ZNF280D: variants seen among roughly 807,000 people sequenced by gnomAD.
ZNF280D encodes the protein zinc finger protein 280D.
A neutral mutation model predicts 94.7 loss-of-function variants in ZNF280D; 39 were observed. The ratio of observed to expected loss-of-function variants is 0.41; its 90% CI spans 0.32 to 0.54. ZNF280D has a LOEUF of 0.54. Among genes scored for constraint, ZNF280D ranks in the 20% least tolerant of loss-of-function variants. The pLI, the probability that ZNF280D is intolerant of heterozygous loss-of-function variation, is 0.22. For synonymous variants in ZNF280D, 398 were observed against 377.6 expected, an observed-to-expected ratio of 1.05 and a Z score of -0.63; for missense variants, 1,090 against 1,149.3, an observed-to-expected ratio of 0.95 and a Z score of 0.75.
chr15:56,700,539 A>G, intron 6 of ZNF280D: 1 of 1,058,318 alleles, frequency 9.4e-7, no homozygotes. Context: ...TAACTGAACT[A>G]TGAAGGAATG....
At chr15:56,706,798 A>G (rs1441492522) in intron 3 of ZNF280D, among the ~76,000 whole-genome samples, 1 of 152,160 alleles carries the variant, frequency 6.6e-6, no homozygotes, top group East Asian at 1.9e-4. Flanking sequence ...ATAGCTTTAT[A>G]ATTTTTTTAG....
chr15:56,723,095 G>A (rs1157269739), intron 1 of ZNF280D, among the ~76,000 whole-genome samples: 1 of 126,882 alleles, frequency 7.9e-6, no homozygotes, highest in Non-Finnish European at 1.6e-5. Context: ...GGGGGAGGGG[G>A]GAGGGATAGC....
chr15:56,666,408 T>A lies in ZNF280D; in HGVS notation c.1981A>T (p.Asn661Tyr). 6.2e-7 allele frequency: 1 copy of A among 1,609,048 alleles called. No homozygotes were observed. ...AATTCATCTTACCTCATCATATGAT[T>A]TACATAGGCTTTGCTACAGCTAGTG... is the stretch of plus-strand genomic sequence containing the variant. ...YNTSCSKAYV[N>Y]HMMSFHSNRP... The change falls in exon 16 of 22, where the codon AAT (asparagine) becomes TAT (tyrosine). Residue 661 changes from asparagine to tyrosine, a missense_variant. Asn to Tyr is a moderately radical substitution (Grantham distance 143). Around this residue, in one of 3 missense-constraint regions of ZNF280D, gnomAD observed 577 missense variants for 568.8 expected, o/e 1.01. Transcript: ENST00000267807.
intron 13 of ZNF280D, among the ~76,000 whole-genome samples, chr15:56,676,339 C>T (rs2055231543): frequency 6.6e-6 from 1 of 152,104 alleles, no homozygotes; most frequent in African/African-American, 2.4e-5. Flanking sequence ...TGATAACTCC[C>T]TTCAAAATCA....
intron 21 of ZNF280D, among the ~76,000 whole-genome samples, chr15:56,632,351 C>T (rs981782737): frequency 3.3e-5 from 5 of 152,006 alleles, no homozygotes; most frequent in African/African-American, 1.2e-4. Context: ...AGATATCTAT[C>T]AACTAGTTTT....
At chr15:56,677,759 CAGT>C in intron 11 of ZNF280D, 85 bp from the exon 12 acceptor site, 1 of 431,558 alleles carries the variant, frequency 2.3e-6, no homozygotes, top group Middle Eastern at 5.1e-4. Context: ...ACAACAATAA[CAGT>C]AGCAGTAGGG....
At chr15:56,725,089 C>A in intron 1 of ZNF280D, 1 of 264,316 alleles carries the variant, frequency 3.8e-6, no homozygotes, top group Non-Finnish European at 7.6e-6. Context: ...CCCCTCCAGG[C>A]TTAGCTTCTT....
chr15:56,695,372 C>T (rs1287924471), intron 6 of ZNF280D, among the ~76,000 whole-genome samples: 2 of 151,830 alleles, frequency 1.3e-5, no homozygotes, highest in African/African-American at 4.8e-5. Flanking sequence ...TATGCCCAGC[C>T]GGTTCACCCC....
At chr15:56,695,170 T>TAAACTGACTCTCCTGTCTC (rs1265526487) in intron 6 of ZNF280D, among the ~76,000 whole-genome samples, 6 of 152,084 alleles carry the variant, frequency 3.9e-5, no homozygotes, top group African/African-American at 1.4e-4. Context: ...CCTCCTGGGT[T>TAAACTGACTCTCCTGTCTC]CAACTGACTC....
intron 16 of ZNF280D, among the ~76,000 whole-genome samples, chr15:56,659,175 TAAAAAAAAA>T (rs35057161): frequency 1.1e-5 from 1 of 93,210 alleles, no homozygotes; most frequent in Non-Finnish European, 2.0e-5. Context: ...TGTTTTTTAT[TAAAAAAAAA>T]AAAAAAAAAA....
chr15:56,722,027 A>G (rs1299818936), intron 1 of ZNF280D, among the ~76,000 whole-genome samples: 2 of 152,204 alleles, frequency 1.3e-5, no homozygotes, highest in African/African-American at 4.8e-5. Flanking sequence ...ACAGGCCATT[A>G]TAAAGTTATT....
chr15:56,669,966 AT>A (rs2054700095), intron 13 of ZNF280D, among the ~76,000 whole-genome samples: 1 of 2,586 alleles, frequency 3.9e-4, no homozygotes, highest in African/African-American at 1.7e-3. Flanking sequence ...TATATATTAT[AT>A]ATATATAATA....
At chr15:56,653,528 G>A (rs1353817537) in intron 19 of ZNF280D, 1 of 1,522,880 alleles carries the variant, frequency 6.6e-7, no homozygotes, top group Admixed American at 2.0e-5. Flanking sequence ...GGCATCAGTT[G>A]TGTCCATCGA....
intron 6 of ZNF280D, among the ~76,000 whole-genome samples, chr15:56,694,325 AC>A (rs1238643453): frequency 1.6e-4 from 25 of 151,708 alleles, no homozygotes; most frequent in African/African-American, 6.0e-4. Flanking sequence ...ACACACACAC[AC>A]ACACACACAC....
chr15:56,631,522 C>T lies in ZNF280D; in HGVS notation c.2916G>A (p.Leu972=). The change falls in exon 22 of 22, where the codon CTG becomes CTA. Residue 972 remains leucine, a synonymous_variant. Coordinates refer to ENST00000267807, the MANE Select transcript of ZNF280D (RefSeq NM_017661.4). ...NPSTTEATVD[L]EDEKERS is the part of the protein sequence containing the mutation. ...TTCAACTTCTTTCTTTTTCGTCTTC[C>T]AGGTCTACTGTTGCCTCTGTTGTGC... The T allele has an allele frequency of 1.2e-6, 2 of 1,611,168 alleles. No individual in the cohort carries two copies. The highest frequency in any genetic ancestry group is 1.7e-6 in the Non-Finnish European group (2 of 1,177,814).
chr15:56,655,082 G>C (rs1408932119), intron 17 of ZNF280D, among the ~76,000 whole-genome samples: 1 of 152,194 alleles, frequency 6.6e-6, no homozygotes. Context: ...TATGTGTCAA[G>C]AGTTTTCCCA....
chr15:56,648,001 G>C (rs540824478), intron 19 of ZNF280D, among the ~76,000 whole-genome samples: 2 of 152,154 alleles, frequency 1.3e-5, no homozygotes, highest in African/African-American at 4.8e-5. Context: ...CCCCCATCTT[G>C]CAGATGAGAA....
intron 14 of ZNF280D, among the ~76,000 whole-genome samples, chr15:56,667,714 C>A (rs1392592300): frequency 6.6e-6 from 1 of 152,102 alleles, no homozygotes; most frequent in Non-Finnish European, 1.5e-5. Flanking sequence ...CATACATGTG[C>A]TTGGGTAACA....
intron 13 of ZNF280D, among the ~76,000 whole-genome samples, chr15:56,674,172 A>G (rs1441677992): frequency 6.6e-6 from 1 of 152,068 alleles, no homozygotes; most frequent in Non-Finnish European, 1.5e-5. Flanking sequence ...GAGAAAATGC[A>G]TGTGAGTAGC....
Sources: allele counts gnomAD v4.1 joint callset (sites outside exome capture counted in the v4.1 genomes callset), GRCh38; gene constraint gnomAD v4.1.1; regional missense constraint gnomAD v4.1.1; transcripts MANE v1.5; gene names NCBI Gene and HGNC (gene_info 2026-07-23, HGNC 2026-07-21).